The following UGP2 variants were observed in gnomAD, a reference collection of about 807,000 sequenced individuals.
UGP2 encodes UTP--glucose-1-phosphate uridylyltransferase.
UGP2 carries 40 observed loss-of-function variants against 49.0 expected under a neutral mutation model. The ratio of observed to expected loss-of-function variants is 0.82; its 90% CI spans 0.63 to 1.06. The LOEUF is 1.06. Among genes scored for constraint, UGP2 ranks in the 50% least tolerant of loss-of-function variants. The pLI, the probability that UGP2 is intolerant of heterozygous loss-of-function variation, is 0.00. For missense variants in UGP2, 460 were observed against 603.5 expected (o/e 0.76, Z 2.49); for synonymous variants, 225 against 213.0 (o/e 1.06, Z -0.49).
intron 2 of UGP2, chr2:63,856,835 G>A: frequency 2.2e-6 from 1 of 458,052 alleles, no homozygotes; most frequent in Non-Finnish European, 4.4e-6. Flanking sequence ...TGTCATAGAA[G>A]TTTTCCAGAA....
At chr2:63,858,609 TC>T (rs1669614696) in intron 3 of UGP2, among the ~76,000 whole-genome samples, 1 of 152,184 alleles carries the variant, frequency 6.6e-6, no homozygotes, top group Non-Finnish European at 1.5e-5. Flanking sequence ...CTAAAATTCC[TC>T]TTGGCTGTAA....
intron 3 of UGP2, among the ~76,000 whole-genome samples, chr2:63,866,596 A>T (rs1351362018): frequency 2.0e-5 from 3 of 152,176 alleles, no homozygotes; most frequent in Non-Finnish European, 2.9e-5. Flanking sequence ...TGTGGTATGC[A>T]GATACTCCAG....
intron 1 of UGP2, 108 bp downstream of exon 1, chr2:63,842,312 C>T: frequency 1.2e-6 from 2 of 1,607,776 alleles, no homozygotes; most frequent in Non-Finnish European, 1.7e-6. Context: ...TTTGAGATAA[C>T]ATTTGCGAAA....
At chr2:63,842,332 T>C in intron 1 of UGP2, 128 bp downstream of exon 1, 1 of 1,605,090 alleles carries the variant, frequency 6.2e-7, no homozygotes, top group Admixed American at 1.7e-5. Flanking sequence ...ACCCTTTTCG[T>C]TGAATTGTCA....
intron 1 of UGP2, chr2:63,854,713 G>T (rs1669272353): frequency 6.6e-6 from 1 of 152,234 alleles, no homozygotes; most frequent in East Asian, 1.9e-4. Flanking sequence ...AGGGGTAGAA[G>T]AGGTGACAGG....
At chr2:63,872,592 C>G (rs1002145428) in intron 3 of UGP2, among the ~76,000 whole-genome samples, 12 of 152,060 alleles carry the variant, frequency 7.9e-5, no homozygotes, top group African/African-American at 2.7e-4. Context: ...AGCCTGTGTT[C>G]TCTCTCACTT....
intron 5 of UGP2, among the ~76,000 whole-genome samples, chr2:63,884,993 CTTTTTTTTTTT>C (rs528966512): frequency 4.8e-4 from 11 of 23,152 alleles, no homozygotes; most frequent in African/African-American, 8.2e-4. Flanking sequence ...CCCATGGTTA[CTTTTTTTTTTT>C]TTTTTTTTTT....
At chr2:63,890,457 T>C (rs1672035526) in intron 9 of UGP2, among the ~76,000 whole-genome samples, 1 of 152,178 alleles carries the variant, frequency 6.6e-6, no homozygotes, top group Non-Finnish European at 1.5e-5. Flanking sequence ...AGAATATTCA[T>C]TTACATTATT....
upstream of UGP2, among the ~76,000 whole-genome samples, chr2:63,841,429 C>T (rs1037320684): frequency 6.6e-6 from 1 of 152,086 alleles, no homozygotes; most frequent in African/African-American, 2.4e-5. Context: ...CGCGCCGGTG[C>T]ACGGGTCTGC....
intron 9 of UGP2, among the ~76,000 whole-genome samples, chr2:63,890,598 T>A (rs1672052642): frequency 1.3e-5 from 2 of 152,078 alleles, no homozygotes; most frequent in South Asian, 2.1e-4. Flanking sequence ...TTTTAAAAAA[T>A]CTCCTAACTA....
intron 3 of UGP2, among the ~76,000 whole-genome samples, chr2:63,864,500 A>G (rs563348538): frequency 2.0e-5 from 3 of 152,252 alleles, no homozygotes; most frequent in African/African-American, 4.8e-5. Context: ...GTTTTCTTAC[A>G]TGATACTCAG....
intron 3 of UGP2, among the ~76,000 whole-genome samples, chr2:63,874,893 C>A (rs773798575): frequency 1.8e-4 from 28 of 152,254 alleles, no homozygotes; most frequent in Non-Finnish European, 3.2e-4. Context: ...GAGGTGCTCA[C>A]CAGAAGCAGA....
Position 63,887,659 on chromosome 2 carries a change from A to T in UGP2, c.1314+15A>T. 6.2e-7 allele frequency: 1 copy of T among 1,610,904 alleles called. No homozygotes were observed. Among genetic ancestry groups the T allele is most frequent in the Non-Finnish European group, 8.5e-7 (1 of 1,178,440 alleles). ...CTTTTACGAAGGTACGTAACTATAA[A>T]GATATGTGAGTTCATATTTCTTAAA... is the stretch of plus-strand genomic sequence containing the variant. On this transcript the variant is annotated intron_variant, in intron 8 of 9. Coordinates refer to ENST00000337130, the MANE Select transcript of UGP2 (RefSeq NM_006759.4).
At chr2:63,888,346 C>T (rs1575860170) in intron 8 of UGP2, 1 of 152,186 alleles carries the variant, frequency 6.6e-6, no homozygotes, top group Non-Finnish European at 1.5e-5. Flanking sequence ...ATGTGTAACA[C>T]ATTTTGCCAT....
intron 8 of UGP2, 67 bp from the exon 9 acceptor site, chr2:63,890,014 T>TAATA (rs1671978672): frequency 1.6e-6 from 2 of 1,243,698 alleles, no homozygotes; most frequent in Admixed American, 4.3e-5. Context: ...ACTTTCTTGT[T>TAATA]AATATTTTTC....
intron 1 of UGP2, among the ~76,000 whole-genome samples, chr2:63,843,305 G>A (rs1671705642): frequency 1.3e-5 from 2 of 152,212 alleles, no homozygotes; most frequent in Admixed American, 1.3e-4. Context: ...GCTCAGAAAT[G>A]TCACTTGTTA....
chr2:63,871,393 T>C (rs1670539528), intron 3 of UGP2, among the ~76,000 whole-genome samples: 1 of 152,124 alleles, frequency 6.6e-6, no homozygotes, highest in African/African-American at 2.4e-5. Flanking sequence ...TCAAGCAATT[T>C]TCCTGCCTCA....
chr2:63,881,086 C>T (rs1671275759), intron 3 of UGP2, among the ~76,000 whole-genome samples: 1 of 152,188 alleles, frequency 6.6e-6, no homozygotes, highest in Non-Finnish European at 1.5e-5. Context: ...GCTTCATGTT[C>T]TTCTGTATTT....
intron 3 of UGP2, among the ~76,000 whole-genome samples, chr2:63,877,715 C>T (rs528769488): frequency 1.4e-4 from 21 of 151,878 alleles, no homozygotes; most frequent in South Asian, 1.0e-3. Flanking sequence ...TGCATGCGGC[C>T]GGGCGCGGTG....
Sources: gnomAD v4.1 joint callset for allele counts (sites outside exome capture counted in the v4.1 genomes callset) on GRCh38, gnomAD v4.1.1 for gene constraint, MANE v1.5 for transcripts, NCBI Gene and HGNC (gene_info 2026-07-23, HGNC 2026-07-21) for gene names.